The following GRIN2A variants were observed in gnomAD, a reference collection of about 807,000 sequenced individuals.
GRIN2A encodes the protein glutamate ionotropic receptor NMDA type subunit 2A.
Under a neutral mutation model 113.4 loss-of-function variants are expected in GRIN2A, and 22 were observed. The observed-to-expected ratio is 0.19, with a 90% CI of 0.14 to 0.28. GRIN2A has a LOEUF of 0.28. Ranked by LOEUF, GRIN2A falls within the 10% of genes least tolerant of loss-of-function variation. The pLI is 1.00. For synonymous variants in GRIN2A, 827 were observed against 738.4 expected, an observed-to-expected ratio of 1.12 and a Z score of -1.94; for missense variants, 1,502 against 1,887.0, an observed-to-expected ratio of 0.80 and a Z score of 3.78.
chr16:10,114,047 C>G (rs2048678690), intron 2 of GRIN2A, among the ~76,000 whole-genome samples: 1 of 151,896 alleles, frequency 6.6e-6, no homozygotes, highest in Non-Finnish European at 1.5e-5. Context: ...ATTTAATTAG[C>G]CATGCATGGT....
At chr16:9,876,942 C>A (rs374071354) in intron 4 of GRIN2A, among the ~76,000 whole-genome samples, 257 of 152,250 alleles carry the variant, frequency 1.7e-3, no homozygotes, top group Middle Eastern at 6.8e-3. Context: ...TAAGTCCACA[C>A]AAAAGCCTAG....
At chr16:9,990,944 G>A (rs1057018818) in intron 2 of GRIN2A, among the ~76,000 whole-genome samples, 2 of 152,106 alleles carry the variant, frequency 1.3e-5, no homozygotes, top group Non-Finnish European at 2.9e-5. Context: ...GCGGGTACCT[G>A]TAATCCCAGC....
intron 4 of GRIN2A, among the ~76,000 whole-genome samples, chr16:9,866,457 A>G (rs1032745501): frequency 6.6e-5 from 10 of 151,986 alleles, no homozygotes; most frequent in African/African-American, 2.2e-4. Context: ...AGGAGAAGAG[A>G]GGGAAAGAGG....
chr16:10,041,256 G>A (rs902555008), intron 2 of GRIN2A, among the ~76,000 whole-genome samples: 1 of 152,188 alleles, frequency 6.6e-6, no homozygotes, highest in Non-Finnish European at 1.5e-5. Flanking sequence ...GTATAACGCA[G>A]AGTAGGAATT....
At chr16:10,064,122 T>G (rs1193522501) in intron 2 of GRIN2A, among the ~76,000 whole-genome samples, 3 of 152,214 alleles carry the variant, frequency 2.0e-5, no homozygotes, top group African/African-American at 7.2e-5. Context: ...AGGTTCTCAA[T>G]CGATGTCTAT....
chr16:10,035,550 G>A (rs2047009117), intron 2 of GRIN2A, among the ~76,000 whole-genome samples: 1 of 152,020 alleles, frequency 6.6e-6, no homozygotes, highest in Non-Finnish European at 1.5e-5. Flanking sequence ...ACTTCTCCAG[G>A]GTCTCACAGA....
intron 10 of GRIN2A, among the ~76,000 whole-genome samples, chr16:9,806,071 T>C (rs928092139): frequency 2.6e-4 from 39 of 152,220 alleles, no homozygotes; most frequent in African/African-American, 8.9e-4. Flanking sequence ...CAAAGCAAAC[T>C]CCCTTAAGCT....
chr16:9,977,695 C>T (rs775768757), intron 2 of GRIN2A, among the ~76,000 whole-genome samples: 3 of 152,126 alleles, frequency 2.0e-5, no homozygotes, highest in Admixed American at 6.5e-5. Flanking sequence ...CTCTCCTCCT[C>T]ATATCCCATA....
chr16:9,941,805 C>T (rs1202124969), intron 2 of GRIN2A, among the ~76,000 whole-genome samples: 1 of 152,162 alleles, frequency 6.6e-6, no homozygotes, highest in Non-Finnish European at 1.5e-5. Flanking sequence ...TCCTCACTTT[C>T]TAGGTGCTAT....
intron 5 of GRIN2A, among the ~76,000 whole-genome samples, chr16:9,846,167 A>G (rs1291701579): frequency 1.3e-5 from 2 of 152,218 alleles, no homozygotes; most frequent in Non-Finnish European, 2.9e-5. Flanking sequence ...ATCATGAATC[A>G]TGGGATGTAC....
chr16:10,141,663 C>A (rs1255752955), intron 2 of GRIN2A, among the ~76,000 whole-genome samples: 1 of 152,176 alleles, frequency 6.6e-6, no homozygotes. Flanking sequence ...TGGTTAAAAA[C>A]AACCATAATG....
At chr16:9,949,186 G>T (rs1426468618) in intron 2 of GRIN2A, among the ~76,000 whole-genome samples, 1 of 152,194 alleles carries the variant, frequency 6.6e-6, no homozygotes, top group Admixed American at 6.5e-5. Context: ...TTAAATAGCT[G>T]TCTCCATGCA....
chr16:9,834,522 C>T (rs2042554370), intron 7 of GRIN2A, among the ~76,000 whole-genome samples: 2 of 152,248 alleles, frequency 1.3e-5, no homozygotes, highest in South Asian at 4.1e-4. Flanking sequence ...GCTGGGACTA[C>T]AGGCATGTGC....
At chr16:9,913,585 G>A (rs9936753) in intron 3 of GRIN2A, among the ~76,000 whole-genome samples, 1,866 of 152,232 alleles carry the variant, frequency 0.012, 40 homozygotes, top group African/African-American at 0.043. Flanking sequence ...ATAAGTTATC[G>A]CATTTTATAC....
chr16:10,000,639 T>C lies in GRIN2A; in HGVS notation c.415-62088A>G, dbSNP rs373015829. Reference sequence around the variant, plus strand: ...GTTCTGGGTACCTTGGCCTACCGGATCTACACTGATTTCATTGTATTAAGG... The same window carrying C: ...GTTCTGGGTACCTTGGCCTACCGGACCTACACTGATTTCATTGTATTAAGG... On this transcript the variant is annotated intron_variant, in intron 2 of 12. Coordinates refer to ENST00000330684, the MANE Select transcript of GRIN2A (RefSeq NM_001134407.3). Among the ~76,000 whole-genome samples, 114 of 152,266 alleles carry C rather than the reference T, an allele frequency of 7.5e-4. 1 individual carries two copies. In the South Asian group the frequency reaches 0.023, roughly 31 times the overall value.
chr16:9,949,614 G>A (rs988911922), intron 2 of GRIN2A, among the ~76,000 whole-genome samples: 6 of 151,820 alleles, frequency 4.0e-5, no homozygotes, highest in Non-Finnish European at 7.4e-5. Context: ...ATGGGTAGAC[G>A]GGTGGGTGGA....
intron 2 of GRIN2A, among the ~76,000 whole-genome samples, chr16:10,025,660 C>G (rs1660406808): frequency 6.6e-6 from 1 of 152,090 alleles, no homozygotes; most frequent in Admixed American, 6.5e-5. Flanking sequence ...TCATTTGACT[C>G]CAGGGAAAAT....
At chr16:9,930,207 G>A (rs1174921630) in intron 3 of GRIN2A, among the ~76,000 whole-genome samples, 1 of 152,128 alleles carries the variant, frequency 6.6e-6, no homozygotes, top group Admixed American at 6.5e-5. Context: ...TCCAGGAGAG[G>A]AGGAGAATTA....
rs549225785 is a variant in GRIN2A, at chr16:10,023,690, C to G, written c.415-85139G>C. ...AGAAAAAAGTTTTCAGTGCGTGTCGCTATAAATGAGCATGATTGGCTTGCC... is the reference window on the plus strand; with the variant it reads ...AGAAAAAAGTTTTCAGTGCGTGTCGGTATAAATGAGCATGATTGGCTTGCC... On this transcript the variant is annotated intron_variant, in intron 2 of 12. Coordinates refer to ENST00000330684, the MANE Select transcript of GRIN2A (RefSeq NM_001134407.3). 9.2e-5 allele frequency among the ~76,000 whole-genome samples: 14 copies of G among 152,314 alleles called. No individual in the cohort carries two copies. In the South Asian group the frequency reaches 2.1e-3, roughly 23 times the overall value.
Sources: gnomAD v4.1 joint callset for allele counts (sites outside exome capture counted in the v4.1 genomes callset) on GRCh38, gnomAD v4.1.1 for gene constraint, MANE v1.5 for transcripts, NCBI Gene and HGNC (gene_info 2026-07-23, HGNC 2026-07-21) for gene names.